Variants in KCNB2 observed in about 807,000 individuals in gnomAD.
KCNB2 encodes the protein potassium voltage-gated channel subfamily B member 2.
KCNB2 carries 15 observed loss-of-function variants against 61.5 expected under a neutral mutation model. The ratio of observed to expected loss-of-function variants is 0.24; its 90% CI spans 0.16 to 0.38. The LOEUF (loss-of-function observed/expected upper bound fraction) is 0.38, where lower values mean the gene tolerates loss of function less well. KCNB2 is among the 10% of genes least tolerant of loss of function. The pLI, the probability that KCNB2 is intolerant of heterozygous loss-of-function variation, is 1.00. For synonymous variants in KCNB2, 457 were observed against 446.0 expected (o/e 1.02, Z -0.31); for missense variants, 828 against 1,125.2 (o/e 0.74, Z 3.78).
intron 2 of KCNB2, among the ~76,000 whole-genome samples, chr8:72,915,249 AGC>A (rs1806371597): frequency 1.3e-5 from 2 of 152,140 alleles, no homozygotes; most frequent in African/African-American, 4.8e-5. Flanking sequence ...AATAGGAAGA[AGC>A]TGCAGGGAGA....
intron 2 of KCNB2, among the ~76,000 whole-genome samples, chr8:72,915,126 T>C (rs1806368850): frequency 6.6e-6 from 1 of 152,110 alleles, no homozygotes; most frequent in African/African-American, 2.4e-5. Flanking sequence ...CAGGCTGTTC[T>C]CAAACTCTTA....
chr8:72,709,329 A>G (rs1045800477), intron 2 of KCNB2, among the ~76,000 whole-genome samples: 2 of 152,180 alleles, frequency 1.3e-5, no homozygotes, highest in Non-Finnish European at 1.5e-5. Flanking sequence ...CAAAATTTCT[A>G]ACTGTGAAAT....
intron 2 of KCNB2, among the ~76,000 whole-genome samples, chr8:72,630,608 C>G (rs1805863879): frequency 6.6e-6 from 1 of 152,070 alleles, no homozygotes; most frequent in South Asian, 2.1e-4. Flanking sequence ...GTCTCTATTA[C>G]TAAGGCATCT....
At chr8:72,925,787 G>A (rs750000497) in intron 2 of KCNB2, among the ~76,000 whole-genome samples, 3 of 152,056 alleles carry the variant, frequency 2.0e-5, no homozygotes, top group Admixed American at 6.6e-5. Context: ...AAAAATACAC[G>A]CACAAGTATA....
intron 2 of KCNB2, among the ~76,000 whole-genome samples, chr8:72,809,402 C>T (rs1233011840): frequency 6.6e-6 from 1 of 152,108 alleles, no homozygotes; most frequent in East Asian, 1.9e-4. Flanking sequence ...TAAAATTAAA[C>T]TTTAATTAAA....
intron 2 of KCNB2, among the ~76,000 whole-genome samples, chr8:72,771,716 A>G (rs1808563806): frequency 6.6e-6 from 1 of 152,126 alleles, no homozygotes; most frequent in Non-Finnish European, 1.5e-5. Flanking sequence ...AGAGGGTGTC[A>G]GAAGATTTGG....
intron 2 of KCNB2, among the ~76,000 whole-genome samples, chr8:72,579,580 C>T (rs11784901): frequency 0.12 from 17,702 of 152,122 alleles, 1,423 homozygotes; most frequent in East Asian, 0.48. Context: ...TCCCTTAATC[C>T]GTGAACTCGG....
chr8:72,663,326 G>T (rs1452299501), intron 2 of KCNB2, among the ~76,000 whole-genome samples: 1 of 152,158 alleles, frequency 6.6e-6, no homozygotes, highest in Non-Finnish European at 1.5e-5. Flanking sequence ...TGGAATATAT[G>T]TTGGATGTCA....
rs563849566 is a variant in KCNB2 at position 72,576,395 on chromosome 8, C to T, written c.579+8082C>T. Among the ~76,000 whole-genome samples, 39 of 152,258 alleles carry T rather than the reference C, an allele frequency of 2.6e-4. 1 individual carries two copies. The highest frequency in any genetic ancestry group is 9.4e-4 in the African/African-American group (39 of 41,546). On this transcript the variant is annotated intron_variant, in intron 2 of 2. Coordinates refer to ENST00000523207, the MANE Select transcript of KCNB2 (RefSeq NM_004770.3). ...TTCTCCTCATTGTTATTTGCACTAGCTCTCGTTATATGTTACTGTATTTAT... is the reference window on the plus strand; with the variant it reads ...TTCTCCTCATTGTTATTTGCACTAGTTCTCGTTATATGTTACTGTATTTAT...
chr8:72,831,268 T>A (rs781543350), intron 2 of KCNB2, among the ~76,000 whole-genome samples: 2 of 152,246 alleles, frequency 1.3e-5, no homozygotes, highest in Non-Finnish European at 2.9e-5. Flanking sequence ...ATTATAATTA[T>A]GTTATTTAAG....
intron 2 of KCNB2, among the ~76,000 whole-genome samples, chr8:72,762,654 G>A (rs1307573791): frequency 6.6e-6 from 1 of 151,984 alleles, no homozygotes; most frequent in Non-Finnish European, 1.5e-5. Flanking sequence ...TCCATTCATA[G>A]GGATTTCAGA....
chr8:72,574,528 C>A (rs1011401725), intron 2 of KCNB2, among the ~76,000 whole-genome samples: 1 of 152,202 alleles, frequency 6.6e-6, no homozygotes, highest in African/African-American at 2.4e-5. Context: ...AAGAATCATG[C>A]ACTTTTTGGT....
chr8:72,674,652 T>C (rs1806620683), intron 2 of KCNB2, among the ~76,000 whole-genome samples: 1 of 152,234 alleles, frequency 6.6e-6, no homozygotes, highest in South Asian at 2.1e-4. Context: ...AATAGATACA[T>C]GCCATTTGCT....
At chr8:72,650,521 A>G (rs73305874) in intron 2 of KCNB2, among the ~76,000 whole-genome samples, 4,225 of 152,254 alleles carry the variant, frequency 0.028, 75 homozygotes, top group South Asian at 0.073. Context: ...GATTCAGAGA[A>G]GTTAAGTAAC....
chr8:72,936,759 T>C lies in KCNB2; in HGVS notation c.1404T>C (p.Ala468=). 1 of 1,614,170 alleles carries C rather than the reference T, an allele frequency of 6.2e-7. No individual in the cohort carries two copies. Reference sequence around the variant, plus strand: ...GAAGTATGGAACTGATAGATGTGGCTGTTGAGAAGGCCGGAGAGTCCGCCA... The same window carrying C: ...GAAGTATGGAACTGATAGATGTGGCCGTTGAGAAGGCCGGAGAGTCCGCCA... The part of the protein sequence containing the change: ...FARSMELIDV[A]VEKAGESANT... The change falls in exon 3 of 3, where the codon GCT becomes GCC. Residue 468 remains alanine, a synonymous_variant. Transcript: ENST00000523207. This position sits in a 1 kb window ranked among gnomAD's most constrained non-coding sequence, Gnocchi z 5.6.
intron 2 of KCNB2, among the ~76,000 whole-genome samples, chr8:72,762,477 T>C (rs932765286): frequency 6.6e-6 from 1 of 152,164 alleles, no homozygotes; most frequent in African/African-American, 2.4e-5. Context: ...ATTACTCAAA[T>C]ATGTGGTTGA....
At chr8:72,627,008 T>C (rs1367379389) in intron 2 of KCNB2, among the ~76,000 whole-genome samples, 1 of 152,228 alleles carries the variant, frequency 6.6e-6, no homozygotes, top group Non-Finnish European at 1.5e-5. Context: ...AACCATTGTG[T>C]GTTAATATTT....
chr8:72,611,127 A>T (rs1005608197), intron 2 of KCNB2, among the ~76,000 whole-genome samples: 1 of 152,150 alleles, frequency 6.6e-6, no homozygotes, highest in Non-Finnish European at 1.5e-5. Context: ...AAGAAAATCT[A>T]TGTGCTATCC....
intron 2 of KCNB2, among the ~76,000 whole-genome samples, chr8:72,704,629 T>G (rs1236903032): frequency 6.6e-6 from 1 of 152,024 alleles, no homozygotes; most frequent in Non-Finnish European, 1.5e-5. Flanking sequence ...AGAGGGACTC[T>G]CCTACCTAGC....
Sources: allele counts gnomAD v4.1 joint callset (sites outside exome capture counted in the v4.1 genomes callset), GRCh38; gene constraint gnomAD v4.1.1; non-coding constraint Gnocchi (gnomAD v3.1); transcripts MANE v1.5; gene names NCBI Gene and HGNC (gene_info 2026-07-23, HGNC 2026-07-21).